Variants in RECK observed in about 807,000 individuals in gnomAD.
RECK encodes reversion-inducing cysteine-rich protein with Kazal motifs.
A neutral mutation model predicts 115.1 loss-of-function variants in RECK; 69 were observed. The ratio of observed to expected loss-of-function variants is 0.60; its 90% CI spans 0.49 to 0.73. The LOEUF (loss-of-function observed/expected upper bound fraction) is 0.73. Ranked by LOEUF, RECK falls within the 30% of genes least tolerant of loss-of-function variation. The pLI is 0.00. For synonymous variants in RECK, 414 were observed against 419.7 expected (o/e 0.99, Z 0.17); for missense variants, 1,047 against 1,203.7 (o/e 0.87, Z 1.93).
intron 8 of RECK, among the ~76,000 whole-genome samples, chr9:36,087,054 C>G (rs1822992343): frequency 6.6e-6 from 1 of 151,858 alleles, no homozygotes; most frequent in African/African-American, 2.4e-5. Flanking sequence ...TGCTACACTG[C>G]AAAGTAATAG....
chr9:36,050,185 C>T lies in RECK; in HGVS notation c.101-2080C>T, dbSNP rs1320007355. On this transcript the variant is annotated intron_variant, in intron 1 of 20. Transcript: ENST00000377966. ...GAACTCATATATTCAACTCCCTACTCAGTATATTATTTTAGATATATAATA... is the reference window on the plus strand; with the variant it reads ...GAACTCATATATTCAACTCCCTACTTAGTATATTATTTTAGATATATAATA... Among the ~76,000 whole-genome samples, 3 of 152,118 alleles carry T rather than the reference C, an allele frequency of 2.0e-5. No individual in the cohort carries two copies. In the East Asian group the frequency reaches 5.8e-4, roughly 29 times the overall value.
Position 36,102,212 on chromosome 9 carries a change from C to T in RECK, c.1417C>T (p.Pro473Ser). The T allele has an allele frequency of 6.2e-7, 1 of 1,610,900 alleles. No homozygotes were observed. The highest frequency in any genetic ancestry group is 1.1e-5 in the South Asian group (1 of 90,260). ...SPTDDLKNCI[P>S]LDTYLRPSTL... ...TACAGATGATCTGAAGAATTGTATA[C>T]CTTTGGATACATACCTCAGTAAGTA... The change falls in exon 12 of 21, where the codon CCT becomes TCT. Residue 473 changes from proline to serine, a missense_variant. Coordinates refer to ENST00000377966, the MANE Select transcript of RECK (RefSeq NM_021111.3).
At chr9:36,110,871 T>C (rs1013586446) in intron 15 of RECK, among the ~76,000 whole-genome samples, 1 of 151,914 alleles carries the variant, frequency 6.6e-6, no homozygotes, top group Non-Finnish European at 1.5e-5. Context: ...CTCCAGCCCA[T>C]TGGAAATAAA....
At position 36,087,823 on chromosome 9, in the gene RECK, C is replaced by T; in HGVS notation, c.767C>T (p.Pro256Leu). The change falls in exon 9 of 21, where the codon CCT (proline) becomes CTT (leucine). Residue 256 changes from proline (P) to leucine (L), a missense_variant. Transcript: ENST00000377966. ...LIEGCKTQPL[P>L]QDPLWQCFLE... ...GAGGGTTGTAAGACCCAGCCCTTGC[C>T]TCAAGATCCTCTTTGGCAATGTTTT... is the stretch of plus-strand genomic sequence containing the variant. 1 of 1,614,078 alleles carries T rather than the reference C, an allele frequency of 6.2e-7. No individual in the cohort carries two copies. Among genetic ancestry groups the T allele is most frequent in the Non-Finnish European group, 8.5e-7 (1 of 1,179,956 alleles).
chr9:36,083,869 A>T (rs1190350088), intron 8 of RECK, among the ~76,000 whole-genome samples: 1 of 152,202 alleles, frequency 6.6e-6, no homozygotes, highest in Non-Finnish European at 1.5e-5. Flanking sequence ...TAAGCTTCTG[A>T]TCTAGCAGTT....
intron 10 of RECK, among the ~76,000 whole-genome samples, chr9:36,097,420 A>G (rs938063506): frequency 2.0e-5 from 3 of 152,200 alleles, no homozygotes; most frequent in African/African-American, 7.2e-5. Context: ...AATCAAGTAT[A>G]TGAAAAAATG....
chr9:36,100,112 C>T (rs78037265), intron 10 of RECK, among the ~76,000 whole-genome samples: 2,780 of 152,222 alleles, frequency 0.018, 92 homozygotes, highest in African/African-American at 0.064. Context: ...TTAAACTGCC[C>T]CACAAGAATC....
chr9:36,043,010 C>CTTTTTTTTTTTTTTTT lies in RECK; in HGVS notation c.100+5927_100+5942dup, dbSNP rs61673918. ...ACTGTCTATTCATGTCCTTAGCCCA[C>CTTTTTTTTTTTTTTTT]TTTTTTTTTTTTTTTTTTTTTTTTT... On this transcript the variant is annotated intron_variant, in intron 1 of 20. Coordinates refer to ENST00000377966, the MANE Select transcript of RECK (RefSeq NM_021111.3). 8.4e-5 allele frequency among the ~76,000 whole-genome samples: 5 copies of CTTTTTTTTTTTTTTTT among 59,462 alleles called. 1 individual carries two copies. The highest frequency in any genetic ancestry group is 1.2e-4 in the Non-Finnish European group (4 of 34,116). The allele number at this position is 59,462 out of a possible 152,430, so 39.0% of individuals were successfully genotyped here. A position where few individuals can be genotyped will look rare whatever the true frequency, so the allele number is the denominator to read the frequency against.
chr9:36,120,309 A>G (rs1370876029), intron 18 of RECK, among the ~76,000 whole-genome samples: 1 of 152,200 alleles, frequency 6.6e-6, no homozygotes, highest in Non-Finnish European at 1.5e-5. Context: ...TTTTGCAGAC[A>G]GGGAAACAAG....
chr9:36,112,144 A>AT (rs1564135367), intron 15 of RECK, among the ~76,000 whole-genome samples, 161 bp from the exon 16 acceptor site: 1 of 142,730 alleles, frequency 7.0e-6, no homozygotes, highest in Non-Finnish European at 1.5e-5. Context: ...AAAAAAAAAA[A>AT]CCCTGTCAGA....
chr9:36,054,818 C>T (rs1316733098), intron 2 of RECK, among the ~76,000 whole-genome samples: 1 of 152,124 alleles, frequency 6.6e-6, no homozygotes, highest in Non-Finnish European at 1.5e-5. Flanking sequence ...GATTGTGTCT[C>T]ATTTGCCTAT....
At chr9:36,052,827 G>A (rs1821360309) in intron 2 of RECK, among the ~76,000 whole-genome samples, 1 of 152,052 alleles carries the variant, frequency 6.6e-6, no homozygotes, top group Non-Finnish European at 1.5e-5. Context: ...TTGTGATCCT[G>A]GATTGGATCC....
intron 2 of RECK, among the ~76,000 whole-genome samples, chr9:36,054,030 A>C (rs958724239): frequency 6.6e-6 from 1 of 152,174 alleles, no homozygotes; most frequent in Admixed American, 6.6e-5. Flanking sequence ...ACTTTCCCCT[A>C]CTAAACTCAA....
chr9:36,054,106 C>T (rs1453037906), intron 2 of RECK, among the ~76,000 whole-genome samples: 1 of 152,118 alleles, frequency 6.6e-6, no homozygotes, highest in East Asian at 1.9e-4. Context: ...GAGACCAGGG[C>T]TGTTAAAACT....
At chr9:36,108,298 A>C (rs114677773) in intron 14 of RECK, 134 bp downstream of exon 14, 2 of 585,682 alleles carry the variant, frequency 3.4e-6, no homozygotes. Flanking sequence ...TTTTCAAACT[A>C]TACAGAGCAC....
At chr9:36,102,872 C>T (rs150117280) in intron 12 of RECK, among the ~76,000 whole-genome samples, 2,558 of 149,664 alleles carry the variant, frequency 0.017, 51 homozygotes, top group South Asian at 0.062. Flanking sequence ...AGGAGAATGG[C>T]GTGAACCTGG....
chr9:36,104,316 ATATATATATATTTTTTTTTTTTTTTT>A (rs1179755741), intron 12 of RECK, among the ~76,000 whole-genome samples: 34 of 57,896 alleles, frequency 5.9e-4, no homozygotes, highest in Middle Eastern at 0.01. Flanking sequence ...ATATATATAT[ATATATATATATTTTTTTTTTTTTTTT>A]TTTTTTTTTT....
intron 6 of RECK, among the ~76,000 whole-genome samples, chr9:36,065,949 C>T (rs1166593625): frequency 6.6e-6 from 1 of 152,178 alleles, no homozygotes; most frequent in African/African-American, 2.4e-5. Context: ...TCTTTTGTCT[C>T]ATCTCCTATC....
intron 19 of RECK, among the ~76,000 whole-genome samples, chr9:36,120,996 C>A (rs993167472): frequency 3.5e-4 from 53 of 152,210 alleles, no homozygotes; most frequent in Admixed American, 7.9e-4. Context: ...GAAAAGGCCC[C>A]TGCTGGCACA....
Sources: gnomAD v4.1 joint callset for allele counts (sites outside exome capture counted in the v4.1 genomes callset) on GRCh38, gnomAD v4.1.1 for gene constraint, MANE v1.5 for transcripts, NCBI Gene and HGNC (gene_info 2026-07-23, HGNC 2026-07-21) for gene names.